TBL1XR1: variants seen among roughly 807,000 people sequenced by gnomAD.
TBL1XR1 encodes the protein F-box-like/WD repeat-containing protein TBL1XR1.
TBL1XR1 carries 5 observed loss-of-function variants against 66.9 expected under a neutral mutation model. That is an observed-to-expected ratio of 0.07 (90% CI 0.04 to 0.16). TBL1XR1 has a LOEUF of 0.16. Ranked by LOEUF, TBL1XR1 falls within the 10% of genes least tolerant of loss-of-function variation. The pLI, the probability that TBL1XR1 is intolerant of heterozygous loss-of-function variation, is 1.00. For synonymous variants in TBL1XR1, 210 were observed against 206.0 expected (o/e 1.02, Z -0.17); for missense variants, 238 against 623.2 (o/e 0.38, Z 6.58).
intron 2 of TBL1XR1, among the ~76,000 whole-genome samples, chr3:177,095,983 C>T (rs1391661408): frequency 6.6e-6 from 1 of 151,962 alleles, no homozygotes; most frequent in Non-Finnish European, 1.5e-5. Flanking sequence ...ATCACATGTA[C>T]CCTAAAATAA....
At chr3:177,136,571 C>G (rs1486820182) in intron 1 of TBL1XR1, among the ~76,000 whole-genome samples, 1 of 152,224 alleles carries the variant, frequency 6.6e-6, no homozygotes, top group Non-Finnish European at 1.5e-5. Context: ...TGAGCCACCA[C>G]GCCTGGCCAT....
chr3:177,177,027 A>G (rs7430818), intron 1 of TBL1XR1, among the ~76,000 whole-genome samples: 2,414 of 152,276 alleles, frequency 0.016, 56 homozygotes, highest in African/African-American at 0.055. Flanking sequence ...GATTACTGGT[A>G]GCATCCAAAT....
upstream of TBL1XR1, chr3:177,201,633 G>T (rs945987739): frequency 6.6e-6 from 1 of 151,936 alleles, no homozygotes; most frequent in Non-Finnish European, 1.5e-5. Context: ...GTTTACATTA[G>T]CTCATCTACA....
chr3:177,146,661 G>C (rs1286204276), intron 1 of TBL1XR1, among the ~76,000 whole-genome samples: 1 of 146,270 alleles, frequency 6.8e-6, no homozygotes, highest in Non-Finnish European at 1.5e-5. Flanking sequence ...TAAATAACAG[G>C]AAGCTATCAA....
chr3:177,055,254 A>C (rs1008183590), intron 3 of TBL1XR1, among the ~76,000 whole-genome samples: 21 of 152,164 alleles, frequency 1.4e-4, no homozygotes, highest in African/African-American at 3.6e-4. Context: ...GTCTAGTAGA[A>C]AATACTGTGG....
intron 2 of TBL1XR1, among the ~76,000 whole-genome samples, chr3:177,075,365 C>A (rs747248912): frequency 8.5e-5 from 13 of 152,198 alleles, no homozygotes; most frequent in Non-Finnish European, 1.6e-4. Context: ...GGAATAGGGC[C>A]CATGCCAATA....
chr3:177,041,803 A>T (rs1715625407), intron 10 of TBL1XR1, among the ~76,000 whole-genome samples: 1 of 152,168 alleles, frequency 6.6e-6, no homozygotes. Context: ...AATGTAAGAC[A>T]CTGTCAGGAG....
At chr3:177,128,528 C>G (rs898373476) in intron 1 of TBL1XR1, among the ~76,000 whole-genome samples, 1 of 152,132 alleles carries the variant, frequency 6.6e-6, no homozygotes, top group African/African-American at 2.4e-5. Flanking sequence ...TGCATCCCAC[C>G]ACGCCTGGTT....
intron 7 of TBL1XR1, chr3:177,047,940 A>G (rs1414178449): frequency 2.8e-5 from 5 of 178,706 alleles, no homozygotes; most frequent in Admixed American, 2.7e-4. Flanking sequence ...GAAAAACTTT[A>G]AAATATGATT....
At chr3:177,120,745 C>T (rs1001008046) in intron 1 of TBL1XR1, 4 of 152,190 alleles carry the variant, frequency 2.6e-5, no homozygotes, top group Non-Finnish European at 5.9e-5. Flanking sequence ...AGAACAAGTT[C>T]GATCTGTTAC....
chr3:177,154,059 A>G (rs1044187989), intron 1 of TBL1XR1, among the ~76,000 whole-genome samples: 1 of 151,998 alleles, frequency 6.6e-6, no homozygotes, highest in Admixed American at 6.6e-5. Flanking sequence ...AACCACATTA[A>G]TAATTATGTT....
In TBL1XR1 at chr3:177,067,603, T is replaced by C. The variant is rs557376958; in HGVS notation, c.-45-2581A>G. 6.1e-4 allele frequency among the ~76,000 whole-genome samples: 93 copies of C among 152,254 alleles called. No individual in the cohort carries two copies. The Middle Eastern group carries it at 0.01, about 17-fold the overall frequency. The stretch of plus-strand genomic sequence containing the variant: ...TTGCTGGTATATTTTTAAGTCATAA[T>C]AAAAAATACCAAATAAGAGCAGGAA... On this transcript the variant is annotated intron_variant, in intron 2 of 15. Transcript: ENST00000457928.
At chr3:177,151,757 C>A (rs541917157) in intron 1 of TBL1XR1, among the ~76,000 whole-genome samples, 27 of 152,306 alleles carry the variant, frequency 1.8e-4, no homozygotes, top group African/African-American at 5.5e-4. Flanking sequence ...TTTTCCCAGA[C>A]GGGCACGGTG....
At chr3:177,056,708 T>G (rs1473445041) in intron 3 of TBL1XR1, among the ~76,000 whole-genome samples, 1 of 152,162 alleles carries the variant, frequency 6.6e-6, no homozygotes, top group Non-Finnish European at 1.5e-5. Flanking sequence ...AAACTTCTGA[T>G]CTCATTTCAC....
rs1368659071 is a variant in TBL1XR1 at position 177,168,601 on chromosome 3, C to T, written c.-122+28520G>A. The stretch of plus-strand genomic sequence containing the variant: ...CCGGCCATGAACCGTTTTCTAAAGG[C>T]TCCAAATACAATGTATTTCACAATC... On this transcript the variant is annotated intron_variant, in intron 1 of 15. Transcript: ENST00000457928. 2.0e-5 allele frequency among the ~76,000 whole-genome samples: 3 copies of T among 152,116 alleles called. No individual in the cohort carries two copies. The East Asian group carries it at 5.8e-4, about 29-fold the overall frequency.
At chr3:177,112,101 ATATATATTTTTT>A (rs1276331791) in intron 1 of TBL1XR1, among the ~76,000 whole-genome samples, 5 of 48,230 alleles carry the variant, frequency 1.0e-4, no homozygotes, top group African/African-American at 5.7e-4. Context: ...ATATATATAT[ATATATATTTTTT>A]TTTTTTTTTT....
chr3:177,174,408 CAAAAAAAA>C (rs59132617), intron 1 of TBL1XR1, among the ~76,000 whole-genome samples: 3 of 58,304 alleles, frequency 5.1e-5, no homozygotes, highest in African/African-American at 2.0e-4. Context: ...GACTCCATCT[CAAAAAAAA>C]AAAAAAAAAA....
At chr3:177,163,162 C>T (rs900420584) in intron 1 of TBL1XR1, among the ~76,000 whole-genome samples, 1 of 152,022 alleles carries the variant, frequency 6.6e-6, no homozygotes, top group African/African-American at 2.4e-5. Flanking sequence ...ATGAAGGGAC[C>T]GGTTAAACTA....
intron 1 of TBL1XR1, among the ~76,000 whole-genome samples, chr3:177,179,763 T>C (rs1479232450): frequency 1.3e-5 from 2 of 152,162 alleles, no homozygotes; most frequent in Non-Finnish European, 2.9e-5. Flanking sequence ...CACTTCTATG[T>C]TGATTTGTCA....
Sources: allele counts gnomAD v4.1 joint callset (sites outside exome capture counted in the v4.1 genomes callset), GRCh38; gene constraint gnomAD v4.1.1; transcripts MANE v1.5; gene names NCBI Gene and HGNC (gene_info 2026-07-23, HGNC 2026-07-21).